ZNF428: variants seen among roughly 807,000 people sequenced by gnomAD.
ZNF428 encodes enzyme-like protein PIT13.
A neutral mutation model predicts 15.6 loss-of-function variants in ZNF428; 5 were observed. The ratio of observed to expected loss-of-function variants is 0.32; its 90% confidence interval spans 0.17 to 0.67. ZNF428 has a LOEUF of 0.67. Ranked by LOEUF, ZNF428 falls within the 30% of genes least tolerant of loss-of-function variation. The pLI, the probability that ZNF428 is intolerant of heterozygous loss-of-function variation, is 0.73. For synonymous variants in ZNF428, 97 were observed against 102.2 expected, an observed-to-expected ratio of 0.95 and a Z score of 0.31; for missense variants, 237 against 256.0, an observed-to-expected ratio of 0.93 and a Z score of 0.51.
At chr19:43,613,134 G>A (rs1973322433) in intron 2 of ZNF428, 2 of 1,551,410 alleles carry the variant, frequency 1.3e-6, no homozygotes, top group African/African-American at 1.4e-5. Context: ...CACAGCAAGG[G>A]GAAAAGTCAA....
rs1421154384 is a variant in ZNF428, at chr19:43,612,961, T to C, written c.76+1268A>G. On this transcript the variant is annotated intron_variant, in intron 2 of 2. Coordinates refer to ENST00000300811, the MANE Select transcript of ZNF428 (RefSeq NM_182498.4). This position sits in a 1 kb window ranked among gnomAD's most constrained non-coding sequence, Gnocchi z 4.2. ...CCAGCACCCGCAGCAGGCCGCAAAG[T>C]CACAGCCAATCTAGAAGCCCCAGAA... The C allele has an allele frequency of 1.3e-6, 2 of 1,551,404 alleles. No homozygotes were observed. Among genetic ancestry groups the C allele is most frequent in the Non-Finnish European group, 1.7e-6 (2 of 1,146,958 alleles).
At chr19:43,609,359 G>GGAGAGAGAGA (rs55665674) in intron 2 of ZNF428, among the ~76,000 whole-genome samples, 233 of 81,860 alleles carry the variant, frequency 2.8e-3, no homozygotes, top group Non-Finnish European at 4.7e-3. Context: ...CTGTGGCCAT[G>GGAGAGAGAGA]GAGAGAGAGA....
intron 2 of ZNF428, chr19:43,613,473 G>C: frequency 1.3e-6 from 2 of 1,544,282 alleles, no homozygotes; most frequent in Non-Finnish European, 1.7e-6. Flanking sequence ...GATCGCAGCC[G>C]ATCTAGAAGT....
intron 2 of ZNF428, among the ~76,000 whole-genome samples, chr19:43,611,331 T>A (rs1196123505): frequency 1.3e-5 from 2 of 151,954 alleles, no homozygotes; most frequent in Non-Finnish European, 2.9e-5. Flanking sequence ...GTTCATTTTT[T>A]TTTTTTTCGA....
intron 2 of ZNF428, chr19:43,614,010 G>C (rs778334799): frequency 3.9e-6 from 6 of 1,551,736 alleles, no homozygotes; most frequent in South Asian, 1.2e-5. Context: ...GGAAATCATA[G>C]CCAATCTAGA....
chr19:43,607,833 A>T lies in ZNF428; in HGVS notation c.351T>A (p.Ala117=). The change falls in exon 3 of 3, where the codon GCT becomes GCA. Residue 117 remains alanine (A), a synonymous_variant. Transcript: ENST00000300811. This position sits in a 1 kb window ranked among gnomAD's most constrained non-coding sequence, Gnocchi z 5.1. ...GGGCTGGTGCTTCCTGGGGGGCTGT[A>T]GCAGGGCAGCAGAGCCGGCAGGGTG... is the stretch of plus-strand genomic sequence containing the variant. ...GTPPCRLCCP[A]TAPQEAPAPE... The T allele has an allele frequency of 6.4e-7, 1 of 1,560,144 alleles. No individual in the cohort carries two copies. The highest frequency in any genetic ancestry group is 8.7e-7 in the Non-Finnish European group (1 of 1,151,984).
Position 43,607,568 on chromosome 19 carries a change from C to T in ZNF428, c.*49G>A. 2 of 1,529,650 alleles carry T rather than the reference C, an allele frequency of 1.3e-6. No individual in the cohort carries two copies. The highest frequency in any genetic ancestry group is 2.5e-5 in the South Asian group (2 of 78,692). 94.8% of individuals were successfully genotyped at this position (1,529,650 alleles called of 1,614,324 possible). On this transcript the variant is annotated 3_prime_UTR_variant, in exon 3 of 3. Coordinates refer to ENST00000300811, the MANE Select transcript of ZNF428 (RefSeq NM_182498.4). The surrounding 1 kb of genome is among the most constrained non-coding windows in gnomAD (Gnocchi z 5.1). ...TCACAACCCCAATTTCCTCAGCCCCCTCCTCCCACCCCACCCCTTCTGCCA... is the reference window on the plus strand; with the variant it reads ...TCACAACCCCAATTTCCTCAGCCCCTTCCTCCCACCCCACCCCTTCTGCCA...
At chr19:43,609,713 G>A (rs926807713) in intron 2 of ZNF428, among the ~76,000 whole-genome samples, 2 of 151,714 alleles carry the variant, frequency 1.3e-5, no homozygotes, top group African/African-American at 4.8e-5. Context: ...CTGCACTCCA[G>A]CCTGGGTGAC....
At chr19:43,613,133 G>C in intron 2 of ZNF428, 1 of 1,551,640 alleles carries the variant, frequency 6.4e-7, no homozygotes, top group Non-Finnish European at 8.7e-7. Flanking sequence ...CCACAGCAAG[G>C]GGAAAAGTCA....
At position 43,608,028 on chromosome 19, in the gene ZNF428, TTCC is replaced by T. The variant is rs748877856; in HGVS notation, c.153_155del (p.Glu54del). ...ATTCAGGATCGTCAGTGGTCTCCTCTTCCTCCTCCTCCTCATCTTCTTCCTCTT... is the reference window on the plus strand; with the variant it reads ...ATTCAGGATCGTCAGTGGTCTCCTCTTCCTCCTCCTCATCTTCTTCCTCTT... On this transcript the variant is annotated inframe_deletion, in exon 3 of 3. Transcript: ENST00000300811. 163 of 1,613,686 alleles carry T rather than the reference TTCC, an allele frequency of 1.0e-4. No individual in the cohort carries two copies. The highest frequency in any genetic ancestry group is 7.6e-4 in the African/African-American group (57 of 75,050).
At chr19:43,616,602 G>T (rs1312998553) in intron 1 of ZNF428, among the ~76,000 whole-genome samples, 2 of 152,130 alleles carry the variant, frequency 1.3e-5, no homozygotes, top group African/African-American at 4.8e-5. Context: ...CAGCTCAAAA[G>T]GTTTTTCTGA....
At chr19:43,614,190 A>G (rs1284663114) in intron 2 of ZNF428, 39 bp downstream of exon 2, 1 of 1,614,064 alleles carries the variant, frequency 6.2e-7, no homozygotes, top group Non-Finnish European at 8.5e-7. Flanking sequence ...AGCCAGGATG[A>G]CAGTCAAGCC....
Position 43,612,181 on chromosome 19 carries a change from C to G in ZNF428, c.76+2048G>C. The stretch of plus-strand genomic sequence containing the variant: ...TGTCTCTGGCACCCAGTGGATCCTC[C>G]ATGCCCACTGCGGATCCCAAGCCTC... On this transcript the variant is annotated intron_variant, in intron 2 of 2. Coordinates refer to ENST00000300811, the MANE Select transcript of ZNF428 (RefSeq NM_182498.4). The surrounding 1 kb of genome is among the most constrained non-coding windows in gnomAD (Gnocchi z 4.2). The G allele has an allele frequency of 6.4e-7, 1 of 1,551,728 alleles. No homozygotes were observed. Among genetic ancestry groups the G allele is most frequent in the South Asian group, 1.2e-5 (1 of 84,060 alleles).
In ZNF428 at chr19:43,612,249, C is replaced by T; in HGVS notation, c.76+1980G>A. 6.4e-7 allele frequency: 1 copy of T among 1,551,754 alleles called. No individual in the cohort carries two copies. Among genetic ancestry groups the T allele is most frequent in the South Asian group, 1.2e-5 (1 of 84,060 alleles). On this transcript the variant is annotated intron_variant, in intron 2 of 2. Coordinates refer to ENST00000300811, the MANE Select transcript of ZNF428 (RefSeq NM_182498.4). The surrounding 1 kb of genome is among the most constrained non-coding windows in gnomAD (Gnocchi z 4.2). ...ACCAAATCAGCAACACCCAACAGAT[C>T]CTTAGTGCCCACCAAACCAGCGACA...
chr19:43,613,839 G>A, intron 2 of ZNF428: 1 of 1,550,874 alleles, frequency 6.4e-7, no homozygotes, highest in Non-Finnish European at 8.7e-7. Flanking sequence ...AGACGATGGA[G>A]AAGCCCCAGC....
intron 2 of ZNF428, among the ~76,000 whole-genome samples, chr19:43,609,928 C>T (rs967012522): frequency 6.6e-6 from 1 of 151,958 alleles, no homozygotes; most frequent in Non-Finnish European, 1.5e-5. Flanking sequence ...ACCTTGTATC[C>T]ATCCCAGCCC....
intron 2 of ZNF428, chr19:43,613,994 AAAG>A: frequency 6.4e-7 from 1 of 1,551,774 alleles, no homozygotes; most frequent in Non-Finnish European, 8.7e-7. Context: ...AACCCCCAGC[AAAG>A]AAGGAAATCA....
Position 43,612,777 on chromosome 19 carries a change from G to A in ZNF428, c.76+1452C>T, listed in dbSNP as rs1257702685. The A allele has an allele frequency of 6.4e-7, 1 of 1,551,522 alleles. No homozygotes were observed. The highest frequency in any genetic ancestry group is 8.7e-7 in the Non-Finnish European group (1 of 1,146,986). ...GCTGTAACTCCCAGTACAGCCAAGT[G>A]TCAAACCCCGACTGGAATTCCCTCC... On this transcript the variant is annotated intron_variant, in intron 2 of 2. Transcript: ENST00000300811. The surrounding 1 kb of genome is among the most constrained non-coding windows in gnomAD (Gnocchi z 4.2).
chr19:43,614,901 T>C (rs1047030445), intron 1 of ZNF428, among the ~76,000 whole-genome samples: 5 of 152,016 alleles, frequency 3.3e-5, no homozygotes, highest in Admixed American at 3.3e-4. Flanking sequence ...CCCGTCCCCC[T>C]CTCTAGGTCT....
Sources: allele counts gnomAD v4.1 joint callset (sites outside exome capture counted in the v4.1 genomes callset), GRCh38; gene constraint gnomAD v4.1.1; non-coding constraint Gnocchi (gnomAD v3.1); transcripts MANE v1.5; gene names NCBI Gene and HGNC (gene_info 2026-07-23, HGNC 2026-07-21).